DPP10: variants seen among roughly 807,000 people sequenced by gnomAD.
DPP10 encodes the protein dipeptidyl peptidase like 10, also known as inactive dipeptidyl peptidase 10.
DPP10 carries 33 observed loss-of-function variants against 120.9 expected under a neutral mutation model. That is an observed-to-expected ratio of 0.27 (90% CI 0.21 to 0.37). DPP10 has a LOEUF of 0.37. DPP10 is among the 10% of genes least tolerant of loss of function. DPP10 has a pLI of 1.00. For synonymous variants in DPP10, 337 were observed against 326.1 expected (o/e 1.03, Z -0.36); for missense variants, 816 against 942.8 (o/e 0.87, Z 1.76).
At chr2:114,478,495 G>T (rs778380673) in intron 1 of DPP10, among the ~76,000 whole-genome samples, 16 of 151,944 alleles carry the variant, frequency 1.1e-4, no homozygotes, top group East Asian at 1.9e-4. Flanking sequence ...TCCTCCTAAG[G>T]TTTGTAATAA....
At chr2:114,668,895 A>T (rs977038287) in intron 1 of DPP10, among the ~76,000 whole-genome samples, 1 of 152,076 alleles carries the variant, frequency 6.6e-6, no homozygotes, top group Non-Finnish European at 1.5e-5. Context: ...TTTTTTACAT[A>T]CATGTAATGA....
intron 1 of DPP10, among the ~76,000 whole-genome samples, chr2:115,256,254 T>G (rs2058982577): frequency 6.6e-6 from 1 of 151,110 alleles, no homozygotes; most frequent in East Asian, 1.9e-4. Flanking sequence ...TATAAAATCA[T>G]CAGATCTCGT....
chr2:114,716,464 C>G (rs13417708), intron 1 of DPP10, among the ~76,000 whole-genome samples: 2 of 152,008 alleles, frequency 1.3e-5, no homozygotes, highest in Non-Finnish European at 2.9e-5. Flanking sequence ...TTTTTTTATC[C>G]AATAGAACTT....
At chr2:114,922,649 TC>T (rs1695282315) in intron 1 of DPP10, among the ~76,000 whole-genome samples, 1 of 152,214 alleles carries the variant, frequency 6.6e-6, no homozygotes, top group Admixed American at 6.5e-5. Flanking sequence ...CAGTATCTGA[TC>T]TTTTGTGACT....
chr2:114,873,328 G>C (rs1482153163), intron 1 of DPP10, among the ~76,000 whole-genome samples: 3 of 152,110 alleles, frequency 2.0e-5, no homozygotes, highest in Non-Finnish European at 4.4e-5. Flanking sequence ...TTGCTAAAGA[G>C]GATGAATGAG....
chr2:115,244,663 A>G (rs1354960956), intron 1 of DPP10, among the ~76,000 whole-genome samples: 2 of 152,026 alleles, frequency 1.3e-5, no homozygotes, highest in African/African-American at 2.4e-5. Context: ...TCATCCTGAC[A>G]ATGCTGAATA....
At chr2:115,258,122 C>G (rs1478970793) in intron 1 of DPP10, among the ~76,000 whole-genome samples, 1 of 152,212 alleles carries the variant, frequency 6.6e-6, no homozygotes, top group East Asian at 1.9e-4. Context: ...ATCAAGGAAA[C>G]AAACACACTT....
chr2:115,060,980 C>T (rs868185688), intron 1 of DPP10, among the ~76,000 whole-genome samples: 2 of 152,126 alleles, frequency 1.3e-5, no homozygotes, highest in Non-Finnish European at 2.9e-5. Context: ...TGCTGAAGCT[C>T]ATAATGGATT....
At chr2:115,179,442 A>G (rs1035325722) in intron 1 of DPP10, among the ~76,000 whole-genome samples, 1 of 152,160 alleles carries the variant, frequency 6.6e-6, no homozygotes. Context: ...GTTTTCTTAT[A>G]TACCGTGGGA....
intron 1 of DPP10, among the ~76,000 whole-genome samples, chr2:115,130,497 CATCT>C (rs67498961): frequency 0.058 from 7,359 of 126,642 alleles, 419 homozygotes; most frequent in African/African-American, 0.15. Context: ...TCCATCCATC[CATCT>C]ATCCATCCAT....
chr2:115,420,353 T>C (rs1380116056), intron 3 of DPP10, among the ~76,000 whole-genome samples: 2 of 152,148 alleles, frequency 1.3e-5, no homozygotes, highest in African/African-American at 4.8e-5. Flanking sequence ...TAAACAAGCA[T>C]GCTTGCAGGA....
chr2:115,740,662 T>C (rs892137108), intron 9 of DPP10, among the ~76,000 whole-genome samples: 11 of 152,110 alleles, frequency 7.2e-5, no homozygotes. Context: ...TTTCAAGTGT[T>C]GGGCAAGGCC....
chr2:115,549,070 A>T (rs897977810), intron 5 of DPP10, among the ~76,000 whole-genome samples: 6 of 152,116 alleles, frequency 3.9e-5, no homozygotes, highest in African/African-American at 1.2e-4. Flanking sequence ...CAGGCCTCTT[A>T]GTTCCCTCCT....
At chr2:114,711,692 T>G (rs1197866966) in intron 1 of DPP10, among the ~76,000 whole-genome samples, 5 of 148,612 alleles carry the variant, frequency 3.4e-5, no homozygotes, top group African/African-American at 9.8e-5. Flanking sequence ...GTTTTAATTA[T>G]TTTTTTTTTG....
intron 5 of DPP10, among the ~76,000 whole-genome samples, chr2:115,619,948 T>C (rs1235057781): frequency 2.6e-5 from 4 of 152,214 alleles, no homozygotes; most frequent in African/African-American, 9.6e-5. Context: ...AAATACAAAC[T>C]GAGACAAAAG....
Position 115,381,315 on chromosome 2 carries a change from A to G in DPP10, c.271+37403A>G, listed in dbSNP as rs547452209. ...CATTTCATTCATTTCATCTTCCATC[A>G]CTAATACCCTTTCTTCCAGTTGATC... On this transcript the variant is annotated intron_variant, in intron 3 of 25. Transcript: ENST00000410059. 2.4e-4 allele frequency among the ~76,000 whole-genome samples: 37 copies of G among 151,786 alleles called. No homozygotes were observed. In the South Asian group the frequency reaches 5.6e-3, roughly 23 times the overall value.
Position 115,162,124 on chromosome 2 carries a change from T to TCCCTCTTCTCACCCTCCCCCGCCC in DPP10, c.61-147113_61-147090dup, listed in dbSNP as rs2052430804. The TCCCTCTTCTCACCCTCCCCCGCCC allele has an allele frequency of 7.2e-6, 11 of 1,521,086 alleles. No individual in the cohort carries two copies. In the Admixed American group the frequency reaches 2.3e-4, roughly 31 times the overall value. The allele number at this position is 1,521,086 out of a possible 1,614,324, so 94.2% of individuals were successfully genotyped here. A position where few individuals can be genotyped will look rare whatever the true frequency, so the allele number is the denominator to read the frequency against. ...GCTTCCCAGGCTGGGCTCCCGCGCC[T>TCCCTCTTCTCACCCTCCCCCGCCC]CCCTCTTCTCACCCTCCCCCGCCCC... On this transcript the variant is annotated intron_variant, in intron 1 of 25. Transcript: ENST00000410059.
chr2:114,960,828 G>A (rs1233128033), intron 1 of DPP10, among the ~76,000 whole-genome samples: 1 of 152,064 alleles, frequency 6.6e-6, no homozygotes, highest in African/African-American at 2.4e-5. Context: ...TCAAGTATGG[G>A]TGACTTTGAG....
At chr2:114,606,864 GT>G (rs1327868487) in intron 1 of DPP10, among the ~76,000 whole-genome samples, 8 of 152,310 alleles carry the variant, frequency 5.3e-5, no homozygotes, top group African/African-American at 1.7e-4. Context: ...GAGACTTAGT[GT>G]GGTTAAGCAT....
Sources: gnomAD v4.1 joint callset for allele counts (sites outside exome capture counted in the v4.1 genomes callset) on GRCh38, gnomAD v4.1.1 for gene constraint, MANE v1.5 for transcripts, NCBI Gene and HGNC (gene_info 2026-07-23, HGNC 2026-07-21) for gene names.